TNFRSF8: variants seen among roughly 807,000 people sequenced by gnomAD.
The protein encoded by TNFRSF8 is TNF receptor superfamily member 8, also known as tumor necrosis factor receptor superfamily member 8.
In TNFRSF8, 26 loss-of-function variants were observed where a neutral mutation model predicts 70.8. That is an observed-to-expected ratio of 0.37 (90% confidence interval 0.27 to 0.51). The LOEUF is 0.51. Among genes scored for constraint, TNFRSF8 ranks in the 20% least tolerant of loss-of-function variants. TNFRSF8 has a pLI of 0.94. For missense variants in TNFRSF8, 720 were observed against 807.9 expected (o/e 0.89, Z 1.32); for synonymous variants, 356 against 339.2 (o/e 1.05, Z -0.54).
chr1:12,120,540 T>A (rs1489962853), intron 8 of TNFRSF8, among the ~76,000 whole-genome samples: 1 of 152,230 alleles, frequency 6.6e-6, no homozygotes, highest in Admixed American at 6.5e-5. Flanking sequence ...CACCTGATTT[T>A]AAGCGATTGC....
At chr1:12,125,253 G>A (rs560090620) in intron 10 of TNFRSF8, among the ~76,000 whole-genome samples, 7 of 152,358 alleles carry the variant, frequency 4.6e-5, no homozygotes, top group Middle Eastern at 3.4e-3. Context: ...AGCGAGTTTA[G>A]TACCGAGGTG....
intron 1 of TNFRSF8, among the ~76,000 whole-genome samples, chr1:12,084,156 C>T (rs1037658691): frequency 6.6e-6 from 1 of 152,090 alleles, no homozygotes; most frequent in Admixed American, 6.6e-5. Flanking sequence ...ATGTTAATCC[C>T]AGGGCAAGGG....
chr1:12,090,064 C>T (rs1205333340), intron 2 of TNFRSF8, among the ~76,000 whole-genome samples: 2 of 145,648 alleles, frequency 1.4e-5, no homozygotes, highest in Non-Finnish European at 2.9e-5. Flanking sequence ...TCTACCCATC[C>T]ATCCATCTAC....
chr1:12,094,922 G>A (rs982519424), intron 2 of TNFRSF8, among the ~76,000 whole-genome samples: 2 of 152,006 alleles, frequency 1.3e-5, no homozygotes, highest in East Asian at 3.9e-4. Context: ...CACCGCACCC[G>A]GCTCGAAGCT....
At chr1:12,131,950 T>G (rs1209674028) in intron 12 of TNFRSF8, among the ~76,000 whole-genome samples, 1 of 151,840 alleles carries the variant, frequency 6.6e-6, no homozygotes, top group Non-Finnish European at 1.5e-5. Flanking sequence ...CGCGCCACCA[T>G]GCCCAGCTAA....
At chr1:12,128,693 G>C (rs1303407198) in intron 12 of TNFRSF8, among the ~76,000 whole-genome samples, 1 of 152,124 alleles carries the variant, frequency 6.6e-6, no homozygotes, top group Non-Finnish European at 1.5e-5. Context: ...CTTTGCTGTG[G>C]AGCGCTATCC....
chr1:12,129,325 C>G (rs377342888), intron 12 of TNFRSF8, among the ~76,000 whole-genome samples: 9 of 152,162 alleles, frequency 5.9e-5, no homozygotes, highest in East Asian at 1.9e-4. Context: ...TCTCTCACCC[C>G]GAAAACTTCA....
rs2100974046 is a variant in TNFRSF8 at position 12,088,616 on chromosome 1, C to T, written c.151+4065C>T. ...TCTTTGTGTGCAGACTCGCTCCCCACAGGAAGGGGTCTCTCCTGCAGATGT... is the reference window on the plus strand; with the variant it reads ...TCTTTGTGTGCAGACTCGCTCCCCATAGGAAGGGGTCTCTCCTGCAGATGT... On this transcript the variant is annotated intron_variant, in intron 2 of 14. Coordinates refer to ENST00000263932, the MANE Select transcript of TNFRSF8 (RefSeq NM_001243.5). This position sits in a 1 kb window ranked among gnomAD's most constrained non-coding sequence, Gnocchi z 4.0. Among the ~76,000 whole-genome samples the T allele has an allele frequency of 6.6e-6, 1 of 152,366 alleles. No homozygotes were observed. Among genetic ancestry groups the T allele is most frequent in the Admixed American group, 6.5e-5 (1 of 15,302 alleles).
At chr1:12,107,674 T>C (rs1288783497) in intron 4 of TNFRSF8, among the ~76,000 whole-genome samples, 1 of 150,430 alleles carries the variant, frequency 6.6e-6, no homozygotes, top group African/African-American at 2.5e-5. Context: ...CAGCACTGTT[T>C]TAGAAGTGTT....
At chr1:12,074,757 G>A (rs1367158964) in intron 1 of TNFRSF8, among the ~76,000 whole-genome samples, 1 of 152,028 alleles carries the variant, frequency 6.6e-6, no homozygotes, top group Admixed American at 6.6e-5. Context: ...GAAACCTCTC[G>A]AATGGACTCC....
intron 2 of TNFRSF8, among the ~76,000 whole-genome samples, chr1:12,092,033 T>C (rs948295489): frequency 3.3e-5 from 5 of 152,192 alleles, no homozygotes; most frequent in Non-Finnish European, 5.9e-5. Flanking sequence ...TAACAGGCCA[T>C]GGACTGGTAC....
At chr1:12,096,883 A>G (rs1641340381) in intron 2 of TNFRSF8, among the ~76,000 whole-genome samples, 1 of 152,122 alleles carries the variant, frequency 6.6e-6, no homozygotes, top group Admixed American at 6.5e-5. Context: ...TCTTCTCTAT[A>G]ACTATGTTGC....
At chr1:12,133,472 T>G (rs1445699817) in intron 12 of TNFRSF8, among the ~76,000 whole-genome samples, 1 of 152,108 alleles carries the variant, frequency 6.6e-6, no homozygotes, top group Non-Finnish European at 1.5e-5. Context: ...CCGGGTGCCG[T>G]GGCTCACGCC....
intron 7 of TNFRSF8, among the ~76,000 whole-genome samples, chr1:12,114,705 T>TA (rs989711658): frequency 2.0e-4 from 23 of 117,112 alleles, no homozygotes; most frequent in Non-Finnish European, 3.7e-4. Context: ...TTTTTTTTTT[T>TA]TTTTTTTTTT....
intron 2 of TNFRSF8, among the ~76,000 whole-genome samples, chr1:12,096,493 C>T (rs1289020103): frequency 6.0e-5 from 9 of 150,622 alleles, no homozygotes; most frequent in East Asian, 1.9e-4. Context: ...TATGAGTTTG[C>T]GTTGGGCCTC....
At position 12,108,074 on chromosome 1, in the gene TNFRSF8, A is replaced by ATTTTTTTTTTTTTTTTTTTTTTTTTT. The variant is rs199941905; in HGVS notation, c.422-1485_422-1484insTTTTTTTTTTTTTTTTTTTTTTTTTT. 1.4e-5 allele frequency among the ~76,000 whole-genome samples: 2 copies of ATTTTTTTTTTTTTTTTTTTTTTTTTT among 146,212 alleles called. No individual in the cohort carries two copies. Among genetic ancestry groups the ATTTTTTTTTTTTTTTTTTTTTTTTTT allele is most frequent in the African/African-American group, 5.0e-5 (2 of 39,778 alleles). The stretch of plus-strand genomic sequence containing the variant: ...CGAAGTCCCACACATACAGGCCACC[A>ATTTTTTTTTTTTTTTTTTTTTTTTTT]TTTTTTTATTTTTTTTTTTTTTGTG... On this transcript the variant is annotated intron_variant, in intron 4 of 14. Coordinates refer to ENST00000263932, the MANE Select transcript of TNFRSF8 (RefSeq NM_001243.5). The surrounding 1 kb of genome is among the most constrained non-coding windows in gnomAD (Gnocchi z 4.0).
intron 3 of TNFRSF8, among the ~76,000 whole-genome samples, chr1:12,101,425 T>TAA (rs534542874): frequency 5.0e-4 from 58 of 117,066 alleles, no homozygotes; most frequent in African/African-American, 2.4e-3. Context: ...AGACCCTGTT[T>TAA]CAAAAAAAAA....
rs1435249604 is a variant in TNFRSF8, at chr1:12,108,238, C to G, written c.422-1328C>G. Among the ~76,000 whole-genome samples the G allele has an allele frequency of 6.6e-6, 1 of 151,606 alleles. No homozygotes were observed. Among genetic ancestry groups the G allele is most frequent in the Non-Finnish European group, 1.5e-5 (1 of 67,878 alleles). On this transcript the variant is annotated intron_variant, in intron 4 of 14. Transcript: ENST00000263932. The surrounding 1 kb of genome is among the most constrained non-coding windows in gnomAD (Gnocchi z 4.0). Reference sequence around the variant, plus strand: ...GGATTACAGGTACCTGCCACCATGCCCGGCTAATTTTTTGTAATTTTAGTA... The same window carrying G: ...GGATTACAGGTACCTGCCACCATGCGCGGCTAATTTTTTGTAATTTTAGTA...
chr1:12,099,014 C>G lies in TNFRSF8; in HGVS notation c.268+1797C>G, dbSNP rs116922349. On this transcript the variant is annotated intron_variant, in intron 3 of 14. Transcript: ENST00000263932. ...GTTTATTTGGCACAGCTTCTCTGTTCCTGAGTTTTTCACTTTGATTCATCA... is the reference window on the plus strand; with the variant it reads ...GTTTATTTGGCACAGCTTCTCTGTTGCTGAGTTTTTCACTTTGATTCATCA... 1.2e-3 allele frequency among the ~76,000 whole-genome samples: 179 copies of G among 152,248 alleles called. 2 individuals are homozygous for G. The East Asian group carries it at 0.032, about 28-fold the overall frequency.
Sources: allele counts gnomAD v4.1 joint callset (sites outside exome capture counted in the v4.1 genomes callset), GRCh38; gene constraint gnomAD v4.1.1; non-coding constraint Gnocchi (gnomAD v3.1); transcripts MANE v1.5; gene names NCBI Gene and HGNC (gene_info 2026-07-23, HGNC 2026-07-21).